Variants in FBXW11 observed in about 807,000 individuals in gnomAD.
FBXW11 encodes F-box/WD repeat-containing protein 11.
A neutral mutation model predicts 77.6 loss-of-function variants in FBXW11; 19 were observed. The ratio of observed to expected loss-of-function variants is 0.24; its 90% CI spans 0.17 to 0.36. The LOEUF (loss-of-function observed/expected upper bound fraction) is 0.36. Ranked by LOEUF, FBXW11 falls within the 10% of genes least tolerant of loss-of-function variation. FBXW11 has a pLI of 1.00. For missense variants in FBXW11, 334 were observed against 704.2 expected (o/e 0.47, Z 5.95); for synonymous variants, 235 against 249.4 (o/e 0.94, Z 0.54).
intron 2 of FBXW11, among the ~76,000 whole-genome samples, chr5:171,951,338 C>T (rs991813822): frequency 6.6e-6 from 1 of 152,014 alleles, no homozygotes; most frequent in African/African-American, 2.4e-5. Flanking sequence ...AAGTTTGAGA[C>T]CAGCCTGGGC....
At chr5:171,953,510 T>G (rs542560524) in intron 2 of FBXW11, among the ~76,000 whole-genome samples, 2 of 152,270 alleles carry the variant, frequency 1.3e-5, no homozygotes, top group East Asian at 3.9e-4. Context: ...AAAAACAGCC[T>G]TATCATATGC....
intron 1 of FBXW11, among the ~76,000 whole-genome samples, chr5:171,987,474 G>A (rs553894042): frequency 7.2e-5 from 11 of 151,786 alleles, no homozygotes; most frequent in African/African-American, 1.4e-4. Context: ...TTTTTGAGGC[G>A]GAGTGCCACT....
intron 7 of FBXW11, among the ~76,000 whole-genome samples, chr5:171,886,720 T>TA (rs1180696290): frequency 6.6e-6 from 1 of 152,042 alleles, no homozygotes. Context: ...TATATAAAAA[T>TA]AGAGTTCGGT....
chr5:171,997,389 C>T (rs1049459396), intron 1 of FBXW11, among the ~76,000 whole-genome samples: 3 of 152,196 alleles, frequency 2.0e-5, no homozygotes, highest in Admixed American at 2.0e-4. Flanking sequence ...ACTGAACTTC[C>T]TTATCCATTT....
At chr5:171,870,244 A>G (rs1226894514) in intron 11 of FBXW11, among the ~76,000 whole-genome samples, 1 of 152,170 alleles carries the variant, frequency 6.6e-6, no homozygotes, top group African/African-American at 2.4e-5. Flanking sequence ...CAACTAACCC[A>G]TTTGGGAAGT....
intron 2 of FBXW11, among the ~76,000 whole-genome samples, chr5:171,939,939 C>G (rs919277751): frequency 7.2e-5 from 11 of 152,026 alleles, no homozygotes; most frequent in African/African-American, 2.2e-4. Context: ...CACATCCTCT[C>G]ATATACTTTA....
At chr5:171,972,052 T>G (rs1764561461) in intron 1 of FBXW11, among the ~76,000 whole-genome samples, 1 of 149,492 alleles carries the variant, frequency 6.7e-6, no homozygotes, top group Admixed American at 6.7e-5. Context: ...GGCAACACGG[T>G]GAAACCCTGT....
chr5:171,872,972 AG>A lies in FBXW11; in HGVS notation c.1239del (p.Cys414ValfsTer44). The A allele has an allele frequency of 6.2e-7, 1 of 1,613,802 alleles. No homozygotes were observed. The highest frequency in any genetic ancestry group is 8.5e-7 in the Non-Finnish European group (1 of 1,179,826). ...DRTIKVWSTS[T>X]CEFVRTLNGH... Reference sequence around the variant, plus strand: ...CCATTGAGAGTACGAACAAATTCACAGGTGCTCGTGCTCCAGACCTGTATAA... The same window carrying A: ...CCATTGAGAGTACGAACAAATTCACAGTGCTCGTGCTCCAGACCTGTATAA... On this transcript the variant is annotated frameshift_variant, in exon 10 of 14. Transcript: ENST00000517395. LOFTEE classifies it high-confidence loss of function.
rs773261577 is a variant in FBXW11, at chr5:171,876,816, C to T, written c.972-282G>A. The stretch of plus-strand genomic sequence containing the variant: ...GGTTGTTGAAAAGAGCCTCCTAGCA[C>T]CTCCTCCCTCTCTCTTGCTTCTCTC... On this transcript the variant is annotated intron_variant, in intron 8 of 13. Coordinates refer to ENST00000517395, the MANE Select transcript of FBXW11 (RefSeq NM_001378974.1). The surrounding 1 kb of genome is among the most constrained non-coding windows in gnomAD (Gnocchi z 4.2). Among the ~76,000 whole-genome samples the T allele has an allele frequency of 1.1e-4, 16 of 152,138 alleles. No individual in the cohort carries two copies. The highest frequency in any genetic ancestry group is 2.0e-4 in the Admixed American group (3 of 15,268).
At chr5:171,883,193 G>A (rs1434888244) in intron 7 of FBXW11, among the ~76,000 whole-genome samples, 1 of 152,174 alleles carries the variant, frequency 6.6e-6, no homozygotes, top group Non-Finnish European at 1.5e-5. Context: ...TTGAGTGATG[G>A]GCATTTGGGT....
chr5:171,908,603 T>A (rs2113920565), intron 4 of FBXW11: 1 of 152,302 alleles, frequency 6.6e-6, no homozygotes, highest in Non-Finnish European at 1.5e-5. Context: ...ATGGAAGAAA[T>A]GAGCAAGTCA....
chr5:171,929,027 C>T (rs906169981), intron 2 of FBXW11, among the ~76,000 whole-genome samples: 14 of 151,848 alleles, frequency 9.2e-5, no homozygotes, highest in African/African-American at 3.4e-4. Context: ...GAGCTGAGGT[C>T]GTGCCACTGC....
At chr5:171,962,506 A>G (rs1763964834) in intron 1 of FBXW11, among the ~76,000 whole-genome samples, 3 of 152,362 alleles carry the variant, frequency 2.0e-5, no homozygotes, top group Middle Eastern at 3.4e-3. Flanking sequence ...GAAGAAAATA[A>G]TATTAGCCAG....
chr5:171,899,354 A>G (rs1759960438), intron 5 of FBXW11, among the ~76,000 whole-genome samples: 1 of 152,208 alleles, frequency 6.6e-6, no homozygotes, highest in Admixed American at 6.5e-5. Flanking sequence ...AGTTTAATAA[A>G]AAGCGCTAAT....
intron 1 of FBXW11, among the ~76,000 whole-genome samples, chr5:171,963,498 GAAC>G (rs1347131174): frequency 3.3e-5 from 5 of 152,212 alleles, no homozygotes; most frequent in South Asian, 2.1e-4. Flanking sequence ...TAATCCCGTA[GAAC>G]AACAGGTCTT....
intron 1 of FBXW11, among the ~76,000 whole-genome samples, chr5:171,989,936 T>C (rs1224012422): frequency 6.6e-6 from 1 of 152,192 alleles, no homozygotes; most frequent in African/African-American, 2.4e-5. Context: ...GGAGATATGG[T>C]TGTGTGTATG....
intron 1 of FBXW11, among the ~76,000 whole-genome samples, chr5:171,991,462 G>T (rs530918241): frequency 6.6e-6 from 1 of 152,258 alleles, no homozygotes; most frequent in Admixed American, 6.5e-5. Context: ...AAAATAGCTG[G>T]CTTGTATTTA....
chr5:171,903,293 C>A (rs1396277460), intron 4 of FBXW11, among the ~76,000 whole-genome samples: 1 of 152,014 alleles, frequency 6.6e-6, no homozygotes, highest in Admixed American at 6.6e-5. Context: ...GAGATGAGGT[C>A]TCACTATATT....
At chr5:171,916,710 T>C (rs918166589) in intron 2 of FBXW11, among the ~76,000 whole-genome samples, 3 of 151,974 alleles carry the variant, frequency 2.0e-5, no homozygotes, top group Non-Finnish European at 4.4e-5. Flanking sequence ...TACAAAGCCG[T>C]CTTGCAAGGC....
Sources: allele counts gnomAD v4.1 joint callset (sites outside exome capture counted in the v4.1 genomes callset), GRCh38; gene constraint gnomAD v4.1.1; non-coding constraint Gnocchi (gnomAD v3.1); transcripts MANE v1.5; gene names NCBI Gene and HGNC (gene_info 2026-07-23, HGNC 2026-07-21).